Variants in RUNDC1 observed in about 807,000 individuals in gnomAD.
RUNDC1 encodes the protein RUN domain-containing protein 1.
RUNDC1 carries 31 observed loss-of-function variants against 49.3 expected under a neutral mutation model. The ratio of observed to expected loss-of-function variants is 0.63; its 90% CI spans 0.47 to 0.85. The LOEUF is 0.85. RUNDC1 is among the 40% of genes least tolerant of loss of function. The pLI, the probability that RUNDC1 is intolerant of heterozygous loss-of-function variation, is 0.00. For missense variants in RUNDC1, 715 were observed against 806.7 expected (o/e 0.89, Z 1.38); for synonymous variants, 347 against 348.6 (o/e 1.00, Z 0.05).
chr17:42,980,661 G>C lies in RUNDC1; in HGVS notation c.85G>C (p.Glu29Gln). The change falls in exon 1 of 5, where the codon GAG becomes CAG. Residue 29 changes from glutamate (E) to glutamine (Q), a missense_variant. By Grantham distance (29) the Glu-to-Gln change is conservative. Around this residue, in one of 5 missense-constraint regions of RUNDC1, gnomAD observed 153 missense variants for 139.4 expected, o/e 1.10. Transcript: ENST00000361677. ...PKAKDEEEEE[E>Q]EPLPPCEAVR... The stretch of plus-strand genomic sequence containing the variant: ...GGCGAAAGACGAAGAGGAGGAGGAA[G>C]AGGAGCCGCTGCCACCGTGCGAGGC... 1 of 1,591,014 alleles carries C rather than the reference G, an allele frequency of 6.3e-7. No homozygotes were observed. Among genetic ancestry groups the C allele is most frequent in the Non-Finnish European group, 8.5e-7 (1 of 1,171,694 alleles).
Position 42,987,381 on chromosome 17 carries a change from G to C in RUNDC1, c.624G>C (p.Ser208=). 6.2e-7 allele frequency: 1 copy of C among 1,614,096 alleles called. No homozygotes were observed. Among genetic ancestry groups the C allele is most frequent in the Non-Finnish European group, 8.5e-7 (1 of 1,179,990 alleles). Residue 208 remains serine, a synonymous_variant, in exon 2 of 5, where the codon TCG becomes TCC. Transcript: ENST00000361677. ...CCTATCAAGAGGGCAGTTATGACTC[G>C]CTGCCACAGTCCGTGGTGTTGGAAA... The part of the protein sequence containing the change: ...TFAYQEGSYD[S]LPQSVVLERQ...
intron 2 of RUNDC1, among the ~76,000 whole-genome samples, chr17:42,988,357 A>G (rs895185491): frequency 6.6e-6 from 1 of 151,732 alleles, no homozygotes; most frequent in Non-Finnish European, 1.5e-5. Context: ...GGTTCAAGCA[A>G]TTCTCCTGCC....
Position 42,989,368 on chromosome 17 carries a change from C to T in RUNDC1, c.685C>T (p.Leu229=), listed in dbSNP as rs1450585185. The T allele has an allele frequency of 1.2e-6, 2 of 1,613,956 alleles. No homozygotes were observed. Among genetic ancestry groups the T allele is most frequent in the Non-Finnish European group, 1.7e-6 (2 of 1,179,964 alleles). Residue 229 remains leucine, a synonymous_variant, in exon 3 of 5, where the codon CTG becomes TTG. Coordinates refer to ENST00000361677, the MANE Select transcript of RUNDC1 (RefSeq NM_173079.5). ...RVIIDELIKK[L]DMNLNEDISS... is the part of the protein sequence containing the mutation. ...GATCATAGATGAGTTAATAAAGAAA[C>T]TGGACATGAATCTGAATGAGGACAT...
chr17:42,990,067 T>C (rs182681402), intron 3 of RUNDC1, among the ~76,000 whole-genome samples: 7 of 152,330 alleles, frequency 4.6e-5, no homozygotes, highest in Non-Finnish European at 8.8e-5. Flanking sequence ...CTCATTGGTT[T>C]TATGTCCTTG....
intron 1 of RUNDC1, among the ~76,000 whole-genome samples, chr17:42,984,578 A>G (rs1050737314): frequency 3.9e-5 from 6 of 152,042 alleles, no homozygotes; most frequent in Non-Finnish European, 8.8e-5. Context: ...CTTACTTCAT[A>G]CTGGAAATGA....
chr17:42,980,734 C>T lies in RUNDC1; in HGVS notation c.158C>T (p.Ala53Val). ...VGAVAEARPG[A>V]TAFLEEATAE... is the part of the protein sequence containing the mutation. ...GCGGTGGCGGAGGCCCGGCCTGGGG[C>T]AACCGCGTTTTTAGAAGAGGCGACG... is the stretch of plus-strand genomic sequence containing the variant. The change falls in exon 1 of 5, where the codon GCA becomes GTA. Residue 53 changes from alanine (A) to valine (V), a missense_variant. By Grantham distance (64) the Ala-to-Val change is moderately conservative. Around this residue, in one of 5 missense-constraint regions of RUNDC1, gnomAD observed 153 missense variants for 139.4 expected, o/e 1.10. Transcript: ENST00000361677. 1 of 1,530,180 alleles carries T rather than the reference C, an allele frequency of 6.5e-7. No individual in the cohort carries two copies. Among genetic ancestry groups the T allele is most frequent in the Non-Finnish European group, 8.8e-7 (1 of 1,142,280 alleles). The allele number at this position is 1,530,180 out of a possible 1,614,324, so 94.8% of individuals were successfully genotyped here.
chr17:42,990,787 T>C, intron 4 of RUNDC1, 64 bp from the exon 5 acceptor site: 1 of 1,511,784 alleles, frequency 6.6e-7, no homozygotes, highest in Non-Finnish European at 8.9e-7. Flanking sequence ...AGCCTGTGAT[T>C]TGTTGAGTGT....
In RUNDC1 at chr17:42,991,711, T is replaced by A. The variant is rs758033721; in HGVS notation, c.1837T>A (p.Phe613Ile). The change falls in exon 5 of 5, where the codon TTT becomes ATT. Residue 613 changes from phenylalanine (F) to isoleucine (I), a missense_variant. Phe to Ile is a conservative substitution (Grantham distance 21). This residue lies in a region of RUNDC1 where 425 missense variants were observed against 499.7 expected (regional missense o/e 0.85). Transcript: ENST00000361677. ...CCAGCTCAAAAACATCAAAGATGCC[T>A]TTTGATGAGAGTGCCCTAACCCCAG... ...VRQLKNIKDA[F>I] 24 of 1,609,648 alleles carry A rather than the reference T, an allele frequency of 1.5e-5. No homozygotes were observed. Among genetic ancestry groups the A allele is most frequent in the African/African-American group, 2.7e-5 (2 of 74,846 alleles).
At chr17:42,983,681 T>C (rs2050132595) in intron 1 of RUNDC1, among the ~76,000 whole-genome samples, 1 of 151,400 alleles carries the variant, frequency 6.6e-6, no homozygotes, top group Non-Finnish European at 1.5e-5. Flanking sequence ...CAATTTTTTT[T>C]TTTTTCTTGA....
intron 1 of RUNDC1, chr17:42,985,602 C>CTTTTTTTTTTTTT (rs71157692): frequency 1.2e-5 from 2 of 169,670 alleles, no homozygotes; most frequent in African/African-American, 2.7e-5. Context: ...TTGTTGTTTT[C>CTTTTTTTTTTTTT]TTTTTTTTTT....
chr17:42,990,830 G>A, intron 4 of RUNDC1, 21 bp from the exon 5 acceptor site: 1 of 1,563,746 alleles, frequency 6.4e-7, no homozygotes, highest in East Asian at 2.3e-5. Flanking sequence ...TCACTGATGA[G>A]CCACTGTCTT....
rs191270006 is a variant in RUNDC1, at chr17:42,988,903, G to A, written c.658-438G>A. On this transcript the variant is annotated intron_variant, in intron 2 of 4. Coordinates refer to ENST00000361677, the MANE Select transcript of RUNDC1 (RefSeq NM_173079.5). The stretch of plus-strand genomic sequence containing the variant: ...GAGGCAGAAGGATTGCTTGAGCACA[G>A]GAGTTTGAGGTTACAGTGAGCTACG... Among the ~76,000 whole-genome samples, 225 of 152,276 alleles carry A rather than the reference G, an allele frequency of 1.5e-3. 2 individuals carry two copies. The highest frequency in any genetic ancestry group is 5.2e-3 in the African/African-American group (215 of 41,548).
rs2050275658 is a variant in RUNDC1 at position 42,993,786 on chromosome 17, C to G, written c.*2070C>G. 1 of 152,170 alleles carries G rather than the reference C, an allele frequency of 6.6e-6. No individual in the cohort carries two copies. The highest frequency in any genetic ancestry group is 1.5e-5 in the Non-Finnish European group (1 of 68,054). 9.4% of individuals were successfully genotyped at this position (152,170 alleles called of 1,614,324 possible). A position where few individuals can be genotyped will look rare whatever the true frequency, so the allele number is the denominator to read the frequency against. ...AAAATTCACTAAAAAGTCCCCTTGG[C>G]ATGACCATCTCCTCCTGCCCACGCC... is the stretch of plus-strand genomic sequence containing the variant. On this transcript the variant is annotated 3_prime_UTR_variant, in exon 5 of 5. Transcript: ENST00000361677.
At position 42,991,452 on chromosome 17, in the gene RUNDC1, G is replaced by A. The variant is rs763488328; in HGVS notation, c.1578G>A (p.Glu526=). ...CAGCCATCCACATGGTGCTGACAGA[G>A]CATGACCCTTTTAAGCGCAGTGCAG... ...LLTAIHMVLT[E]HDPFKRSADS... Residue 526 remains glutamate, a synonymous_variant, in exon 5 of 5, where the codon GAG becomes GAA. Transcript: ENST00000361677. 6.2e-7 allele frequency: 1 copy of A among 1,614,202 alleles called. No homozygotes were observed. Among genetic ancestry groups the A allele is most frequent in the South Asian group, 1.1e-5 (1 of 91,086 alleles).
At position 42,994,788 on chromosome 17, in the gene RUNDC1, C is replaced by T. The variant is rs1163763940; in HGVS notation, c.*3072C>T. On this transcript the variant is annotated 3_prime_UTR_variant, in exon 5 of 5. Coordinates refer to ENST00000361677, the MANE Select transcript of RUNDC1 (RefSeq NM_173079.5). Reference sequence around the variant, plus strand: ...TGATATCATCTGTCATTACTGAGAACAGAGCTCTGTCCTTCACTTAGGGTG... The same window carrying T: ...TGATATCATCTGTCATTACTGAGAATAGAGCTCTGTCCTTCACTTAGGGTG... 6.6e-6 allele frequency among the ~76,000 whole-genome samples: 1 copy of T among 152,170 alleles called. No homozygotes were observed. Among genetic ancestry groups the T allele is most frequent in the Non-Finnish European group, 1.5e-5 (1 of 68,050 alleles).
In RUNDC1 at chr17:42,991,326, C is replaced by T. The variant is rs370262164; in HGVS notation, c.1452C>T (p.Asn484=). The change falls in exon 5 of 5, where the codon AAC becomes AAT. Residue 484 remains asparagine (N), a synonymous_variant. Transcript: ENST00000361677. The part of the protein sequence containing the change: ...ELFVKYYHAK[N]GRAYVESPAR... Reference sequence around the variant, plus strand: ...TTGTAAAGTACTACCATGCTAAGAACGGCCGTGCTTATGTGGAATCCCCAG... The same window carrying T: ...TTGTAAAGTACTACCATGCTAAGAATGGCCGTGCTTATGTGGAATCCCCAG... 741 of 1,614,198 alleles carry T rather than the reference C, an allele frequency of 4.6e-4. 9 individuals are homozygous for T. In the South Asian group the frequency reaches 6.0e-3, roughly 13 times the overall value.
chr17:42,986,264 C>T (rs2050170154), intron 1 of RUNDC1, among the ~76,000 whole-genome samples: 1 of 152,022 alleles, frequency 6.6e-6, no homozygotes, highest in South Asian at 2.1e-4. Flanking sequence ...CAGGCATGCA[C>T]CACCATGCCC....
chr17:42,989,845 G>A (rs1460487084), intron 3 of RUNDC1, among the ~76,000 whole-genome samples: 1 of 152,062 alleles, frequency 6.6e-6, no homozygotes, highest in Non-Finnish European at 1.5e-5. Flanking sequence ...ATGTTGGCCA[G>A]GCTGGTCTCG....
intron 2 of RUNDC1, among the ~76,000 whole-genome samples, chr17:42,988,325 T>C (rs1351761280): frequency 6.6e-6 from 1 of 151,198 alleles, no homozygotes; most frequent in Non-Finnish European, 1.5e-5. Context: ...TGATCTTGGC[T>C]CACTGCAACC....
Sources: allele counts gnomAD v4.1 joint callset (sites outside exome capture counted in the v4.1 genomes callset), GRCh38; gene constraint gnomAD v4.1.1; regional missense constraint gnomAD v4.1.1; transcripts MANE v1.5; gene names NCBI Gene and HGNC (gene_info 2026-07-23, HGNC 2026-07-21).